The following CMTR1 variants were observed in gnomAD, a reference collection of about 807,000 sequenced individuals.
CMTR1 encodes cap methyltransferase 1.
Under a neutral mutation model 107.0 loss-of-function variants are expected in CMTR1, and 39 were observed. The ratio of observed to expected loss-of-function variants is 0.36; its 90% CI spans 0.28 to 0.48. The LOEUF is 0.48. Ranked by LOEUF, CMTR1 falls within the 20% of genes least tolerant of loss-of-function variation. The probability of loss-of-function intolerance (pLI) is 0.99; values close to 1 mark genes in which losing one functional copy is unlikely to be tolerated. For synonymous variants in CMTR1, 366 were observed against 379.5 expected (o/e 0.96, Z 0.41); for missense variants, 672 against 1,064.9 (o/e 0.63, Z 5.14).
rs1219996080 is a variant in CMTR1 at position 37,480,525 on chromosome 6, C to A, written c.*380C>A. 6.5e-6 allele frequency: 7 copies of A among 1,084,914 alleles called. No individual in the cohort carries two copies. The highest frequency in any genetic ancestry group is 7.8e-6 in the Non-Finnish European group (7 of 893,210). 67.2% of individuals were successfully genotyped at this position (1,084,914 alleles called of 1,614,324 possible). A position where few individuals can be genotyped will look rare whatever the true frequency, so the allele number is the denominator to read the frequency against. On this transcript the variant is annotated 3_prime_UTR_variant, in exon 24 of 24. Transcript: ENST00000373451. ...TAGACTCACTTTTCTGAGTTCCATG[C>A]ACTGCCCTGAGGGTAGCCATGCCCT...
intron 2 of CMTR1, among the ~76,000 whole-genome samples, chr6:37,438,911 C>T (rs1162629106): frequency 1.3e-5 from 2 of 152,138 alleles, no homozygotes; most frequent in Admixed American, 6.5e-5. Flanking sequence ...GAGGTGTTTC[C>T]ATTTACTGCA....
upstream of CMTR1, among the ~76,000 whole-genome samples, chr6:37,432,729 C>G (rs1771409961): frequency 6.6e-6 from 1 of 152,152 alleles, no homozygotes; most frequent in Non-Finnish European, 1.5e-5. Flanking sequence ...CCATATTGGC[C>G]TGAAAATCAG....
chr6:37,476,938 T>C (rs1761750448), intron 20 of CMTR1, among the ~76,000 whole-genome samples: 1 of 152,396 alleles, frequency 6.6e-6, no homozygotes, highest in South Asian at 2.1e-4. Context: ...AATTTCTTTC[T>C]GCACTTTAAA....
intron 13 of CMTR1, 38 bp downstream of exon 13, chr6:37,463,046 G>T (rs1761434812): frequency 6.3e-7 from 1 of 1,592,620 alleles, no homozygotes; most frequent in Non-Finnish European, 8.6e-7. Flanking sequence ...TAACACTGAG[G>T]TCCTAAGGAA....
rs573367734 is a variant in CMTR1, at chr6:37,480,351, C to T, written c.*206C>T. Reference sequence around the variant, plus strand: ...AACACTCATGTTCCTTCTGGGACACCTGCCTGGGAACTTTCCCCTGCCAGG... The same window carrying T: ...AACACTCATGTTCCTTCTGGGACACTTGCCTGGGAACTTTCCCCTGCCAGG... On this transcript the variant is annotated 3_prime_UTR_variant, in exon 24 of 24. Transcript: ENST00000373451. 104 of 1,362,850 alleles carry T rather than the reference C, an allele frequency of 7.6e-5. No homozygotes were observed. In the Middle Eastern group the frequency reaches 1.9e-3, roughly 25 times the overall value. 84.4% of individuals were successfully genotyped at this position (1,362,850 alleles called of 1,614,324 possible).
intron 4 of CMTR1, among the ~76,000 whole-genome samples, chr6:37,447,308 A>G (rs1383126345): frequency 6.6e-6 from 1 of 152,162 alleles, no homozygotes; most frequent in Non-Finnish European, 1.5e-5. Flanking sequence ...AAGCCTAATA[A>G]GTCTTCTGAG....
In CMTR1 at chr6:37,480,630, T is replaced by TA. The variant is rs1236249298; in HGVS notation, c.*492dup. ...ATGAGCTGGCCAGGAGAACCTGCTATAAAAAAATCAAGGTTTTGTTTCTTT... is the reference window on the plus strand; with the variant it reads ...ATGAGCTGGCCAGGAGAACCTGCTATAAAAAAAATCAAGGTTTTGTTTCTTT... On this transcript the variant is annotated 3_prime_UTR_variant, in exon 24 of 24. Coordinates refer to ENST00000373451, the MANE Select transcript of CMTR1 (RefSeq NM_015050.3). 7 of 1,025,548 alleles carry TA rather than the reference T, an allele frequency of 6.8e-6. No individual in the cohort carries two copies. The highest frequency in any genetic ancestry group is 1.7e-5 in the African/African-American group (1 of 57,578). 63.5% of individuals were successfully genotyped at this position (1,025,548 alleles called of 1,614,324 possible).
chr6:37,424,063 T>A, the CMTR1 span, among the ~76,000 whole-genome samples: 1 of 152,112 alleles, frequency 6.6e-6, no homozygotes, highest in African/African-American at 2.4e-5. Flanking sequence ...GCCTTTTTTT[T>A]ATTGGCACAA....
At chr6:37,477,775 T>TCTGC (rs1181429499) in intron 21 of CMTR1, 136 bp downstream of exon 21, 1 of 729,388 alleles carries the variant, frequency 1.4e-6, no homozygotes, top group African/African-American at 1.7e-5. Context: ...CCTCACCTCA[T>TCTGC]CTGCCTCGCT....
chr6:37,480,204 T>G lies in CMTR1; in HGVS notation c.*59T>G. ...CTGTCATTCCTGAGATGGGGCCACC[T>G]GGGGCCCACAGTGCTGGCTTCTTCC... On this transcript the variant is annotated 3_prime_UTR_variant, in exon 24 of 24. Coordinates refer to ENST00000373451, the MANE Select transcript of CMTR1 (RefSeq NM_015050.3). 6 of 1,589,136 alleles carry G rather than the reference T, an allele frequency of 3.8e-6. No homozygotes were observed. The highest frequency in any genetic ancestry group is 5.1e-6 in the Non-Finnish European group (6 of 1,171,210).
At chr6:37,442,365 C>G (rs1771693708) in intron 2 of CMTR1, among the ~76,000 whole-genome samples, 1 of 152,228 alleles carries the variant, frequency 6.6e-6, no homozygotes, top group South Asian at 2.1e-4. Flanking sequence ...GAACAGCTTG[C>G]ACTATTTGTA....
chr6:37,456,599 C>T lies in CMTR1; in HGVS notation c.778-2013C>T, dbSNP rs569597266. Among the ~76,000 whole-genome samples the T allele has an allele frequency of 6.6e-4, 100 of 152,292 alleles. 1 individual carries two copies. The highest frequency in any genetic ancestry group is 2.2e-3 in the African/African-American group (92 of 41,556). ...ACTGTTTCCCCTAAAGCTTTCTGAT[C>T]GTTATCTAGCAGCTGCAGAACTCTA... On this transcript the variant is annotated intron_variant, in intron 8 of 23. Coordinates refer to ENST00000373451, the MANE Select transcript of CMTR1 (RefSeq NM_015050.3).
intron 5 of CMTR1, among the ~76,000 whole-genome samples, chr6:37,451,143 T>C (rs1329102123): frequency 2.0e-5 from 3 of 152,180 alleles, no homozygotes; most frequent in African/African-American, 4.8e-5. Context: ...TTTAAAAATA[T>C]TTTTAAAATC....
At position 37,434,006 on chromosome 6, in the gene CMTR1, T is replaced by TC. The variant is rs904656968; in HGVS notation, c.-7+635dup. On this transcript the variant is annotated intron_variant, in intron 1 of 23. Coordinates refer to ENST00000373451, the MANE Select transcript of CMTR1 (RefSeq NM_015050.3). The stretch of plus-strand genomic sequence containing the variant: ...CTTTGAGTTTGCTGTACTTCCAGTC[T>TC]CCCCCCGAGTCACTTAAGAATTAAA... Among the ~76,000 whole-genome samples the TC allele has an allele frequency of 4.7e-3, 719 of 152,122 alleles. 2 individuals are homozygous for TC. The highest frequency in any genetic ancestry group is 0.016 in the African/African-American group (656 of 41,490).
intron 13 of CMTR1, among the ~76,000 whole-genome samples, chr6:37,465,224 G>A (rs1761483936): frequency 6.6e-6 from 1 of 151,178 alleles, no homozygotes; most frequent in Non-Finnish European, 1.5e-5. Context: ...CCGAGATCGC[G>A]CCATCGTACT....
chr6:37,428,759 G>C (rs1012618713), upstream of CMTR1, among the ~76,000 whole-genome samples: 7 of 152,124 alleles, frequency 4.6e-5, no homozygotes, highest in Admixed American at 3.3e-4. Flanking sequence ...TGCCTGGCCT[G>C]TCAGAGTTTT....
rs745654718 is a variant in CMTR1 at position 37,472,398 on chromosome 6, C to T, written c.1621-21C>T. On this transcript the variant is annotated intron_variant, in intron 15 of 23. Transcript: ENST00000373451. The surrounding 1 kb of genome is among the most constrained non-coding windows in gnomAD (Gnocchi z 4.1). ...TCAAAAGGGCATTTGAAAGTCAAAG[C>T]TCTTTGCTGTCTTATTTCAGATCCC... 8.7e-6 allele frequency: 14 copies of T among 1,613,478 alleles called. No individual in the cohort carries two copies. The highest frequency in any genetic ancestry group is 1.2e-5 in the Non-Finnish European group (14 of 1,179,462).
chr6:37,453,161 C>T lies in CMTR1; in HGVS notation c.704+20C>T. 6.2e-7 allele frequency: 1 copy of T among 1,613,210 alleles called. No homozygotes were observed. The highest frequency in any genetic ancestry group is 8.5e-7 in the Non-Finnish European group (1 of 1,179,180). On this transcript the variant is annotated intron_variant, in intron 7 of 23. Coordinates refer to ENST00000373451, the MANE Select transcript of CMTR1 (RefSeq NM_015050.3). The stretch of plus-strand genomic sequence containing the variant: ...AAACAGGTTTGCTGACATTTCCCTC[C>T]CCTCCCCTGATGCTCCCTGCTCTAC...
Position 37,480,204 on chromosome 6 carries a change from TG to T in CMTR1, c.*63del. ...CTGTCATTCCTGAGATGGGGCCACC[TG>T]GGGCCCACAGTGCTGGCTTCTTCCC... is the stretch of plus-strand genomic sequence containing the variant. On this transcript the variant is annotated 3_prime_UTR_variant, in exon 24 of 24. Coordinates refer to ENST00000373451, the MANE Select transcript of CMTR1 (RefSeq NM_015050.3). 6.3e-7 allele frequency: 1 copy of T among 1,589,126 alleles called. No homozygotes were observed. Among genetic ancestry groups the T allele is most frequent in the South Asian group, 1.1e-5 (1 of 87,158 alleles).
Sources: allele counts gnomAD v4.1 joint callset (sites outside exome capture counted in the v4.1 genomes callset), GRCh38; gene constraint gnomAD v4.1.1; non-coding constraint Gnocchi (gnomAD v3.1); transcripts MANE v1.5; gene names NCBI Gene and HGNC (gene_info 2026-07-23, HGNC 2026-07-21).